CUX1: variants seen among roughly 807,000 people sequenced by gnomAD.
The protein encoded by CUX1 is cut like homeobox 1.
CUX1 carries 31 observed loss-of-function variants against 158.8 expected under a neutral mutation model. The observed-to-expected ratio is 0.20, with a 90% CI of 0.15 to 0.26. CUX1 has a LOEUF of 0.26. CUX1 is among the 10% of genes least tolerant of loss of function. The pLI, the probability that CUX1 is intolerant of heterozygous loss-of-function variation, is 1.00. For missense variants in CUX1, 1,589 were observed against 2,014.6 expected, an observed-to-expected ratio of 0.79 and a Z score of 4.04; for synonymous variants, 879 against 862.1, an observed-to-expected ratio of 1.02 and a Z score of -0.34.
At chr7:102,020,585 A>G (rs1394050271) in intron 2 of CUX1, among the ~76,000 whole-genome samples, 4 of 152,210 alleles carry the variant, frequency 2.6e-5, no homozygotes. Flanking sequence ...AGGACCTTAT[A>G]AAAAGACATT....
intron 6 of CUX1, among the ~76,000 whole-genome samples, chr7:102,106,332 C>T (rs1396116175): frequency 1.3e-5 from 2 of 152,064 alleles, no homozygotes; most frequent in Non-Finnish European, 2.9e-5. Flanking sequence ...TTGTGATCTG[C>T]CCGCCTCGGC....
At chr7:101,846,833 G>T (rs545581780) in intron 1 of CUX1, among the ~76,000 whole-genome samples, 4 of 152,146 alleles carry the variant, frequency 2.6e-5, no homozygotes, top group Non-Finnish European at 4.4e-5. Flanking sequence ...TGGTATGGAT[G>T]CTGACTTCCT....
intron 8 of CUX1, among the ~76,000 whole-genome samples, chr7:102,144,426 G>C (rs1307288443): frequency 6.6e-6 from 1 of 152,052 alleles, no homozygotes. Flanking sequence ...TTGACTTGAA[G>C]CTACTCCCAG....
At chr7:102,173,409 A>G (rs531392410) in intron 10 of CUX1, among the ~76,000 whole-genome samples, 1 of 152,346 alleles carries the variant, frequency 6.6e-6, no homozygotes, top group Non-Finnish European at 1.5e-5. Context: ...ATGTAGAGAA[A>G]AGATTTGCAT....
chr7:102,041,258 T>TTTTTTTTTTTTTC, intron 3 of CUX1, among the ~76,000 whole-genome samples: 1 of 117,268 alleles, frequency 8.5e-6, no homozygotes, highest in Admixed American at 8.5e-5. Context: ...TATCCATTCT[T>TTTTTTTTTTTTTC]TTTTTTTTTT....
At chr7:102,142,877 A>G (rs190144263) in intron 8 of CUX1, among the ~76,000 whole-genome samples, 3 of 147,596 alleles carry the variant, frequency 2.0e-5, no homozygotes, top group Admixed American at 1.3e-4. Context: ...AGCCATGGTC[A>G]AACCACTGCA....
intron 5 of CUX1, among the ~76,000 whole-genome samples, chr7:102,098,463 T>C (rs1412232647): frequency 6.6e-6 from 1 of 151,906 alleles, no homozygotes; most frequent in Non-Finnish European, 1.5e-5. Flanking sequence ...CATCAGAAAT[T>C]AGCTGGGCAT....
At chr7:102,150,632 C>G (rs1835542227) in intron 8 of CUX1, among the ~76,000 whole-genome samples, 1 of 152,228 alleles carries the variant, frequency 6.6e-6, no homozygotes, top group Non-Finnish European at 1.5e-5. Flanking sequence ...TGCCCCGATG[C>G]CACGCGTTAG....
At chr7:101,878,906 A>G (rs547411357) in intron 1 of CUX1, among the ~76,000 whole-genome samples, 86 of 152,304 alleles carry the variant, frequency 5.6e-4, no homozygotes, top group African/African-American at 2.0e-3. Flanking sequence ...TCCTGACCTC[A>G]GGTGATCCTC....
chr7:101,999,955 G>T (rs971321049), intron 2 of CUX1, among the ~76,000 whole-genome samples: 3 of 152,178 alleles, frequency 2.0e-5, no homozygotes, highest in East Asian at 1.9e-4. Context: ...AGTGGCTTAT[G>T]CCTGTAATCC....
chr7:101,923,256 T>A (rs1292554788), intron 2 of CUX1, among the ~76,000 whole-genome samples: 2 of 152,206 alleles, frequency 1.3e-5, no homozygotes, highest in African/African-American at 2.4e-5. Context: ...GCTATTTGAA[T>A]GTGATGCTCA....
chr7:101,859,044 G>A (rs1308323706), intron 1 of CUX1, among the ~76,000 whole-genome samples: 1 of 152,214 alleles, frequency 6.6e-6, no homozygotes, highest in Admixed American at 6.5e-5. Context: ...TAGGTCAGGT[G>A]GCTAATGATT....
intron 8 of CUX1, among the ~76,000 whole-genome samples, chr7:102,122,828 G>A (rs1183593229): frequency 6.6e-6 from 1 of 152,110 alleles, no homozygotes; most frequent in Non-Finnish European, 1.5e-5. Flanking sequence ...TGGTAGGTGT[G>A]GTGTCAGGTG....
At position 102,034,145 on chromosome 7, in the gene CUX1, CAAAAAAA is replaced by C. The variant is rs10655613; in HGVS notation, c.189+6016_189+6022del. On this transcript the variant is annotated intron_variant, in intron 3 of 23. Transcript: ENST00000292535. ...CAGGTGACAGAGCGAGACTCCATCT[CAAAAAAA>C]AAAAAAAAAAAAAAAGTCAGTCTTA... 2.4e-3 allele frequency among the ~76,000 whole-genome samples: 116 copies of C among 48,614 alleles called. 3 individuals are homozygous for C. Among genetic ancestry groups the C allele is most frequent in the South Asian group, 0.015 (15 of 990 alleles). The allele number at this position is 48,614 out of a possible 152,430, so 31.9% of individuals were successfully genotyped here. A position where few individuals can be genotyped will look rare whatever the true frequency, so the allele number is the denominator to read the frequency against.
rs1801317715 is a variant in CUX1 at position 102,249,983 on chromosome 7, G to A, written c.*941G>A. On this transcript the variant is annotated 3_prime_UTR_variant, in exon 24 of 24. Transcript: ENST00000292535. ...TGCACATTGATGTATAGCTTTAACT[G>A]ACCCTGGGTTTTGCAGACCAGGGTT... 1 of 984,036 alleles carries A rather than the reference G, an allele frequency of 1.0e-6. No individual in the cohort carries two copies. The highest frequency in any genetic ancestry group is 6.2e-5 in the Admixed American group (1 of 16,044). 61.0% of individuals were successfully genotyped at this position (984,036 alleles called of 1,614,324 possible). A position where few individuals can be genotyped will look rare whatever the true frequency, so the allele number is the denominator to read the frequency against.
Position 102,167,281 on chromosome 7 carries a change from G to A in CUX1, c.724-3165G>A, listed in dbSNP as rs943596863. ...AGACTCTGTATCAAAAAAAAAAAAA[G>A]AAAAGAAAAGAAAAAGAAAGAAATT... On this transcript the variant is annotated intron_variant, in intron 9 of 23. Transcript: ENST00000292535. 1.1e-4 allele frequency among the ~76,000 whole-genome samples: 16 copies of A among 149,100 alleles called. No homozygotes were observed. In the South Asian group the frequency reaches 2.3e-3, roughly 22 times the overall value.
rs137982211 is a variant in CUX1 at position 101,896,725 on chromosome 7, T to TA, written c.31-19384dup. Among the ~76,000 whole-genome samples, 1,007 of 152,242 alleles carry TA rather than the reference T, an allele frequency of 6.6e-3. 13 individuals carry two copies. The highest frequency in any genetic ancestry group is 0.023 in the African/African-American group (936 of 41,536). On this transcript the variant is annotated intron_variant, in intron 1 of 23. Transcript: ENST00000292535. ...ATTAACAGGTCTTAAATGGGAAAAA[T>TA]AAAAAATTAGCTTGATTAAAAATAA... is the stretch of plus-strand genomic sequence containing the variant.
intron 5 of CUX1, among the ~76,000 whole-genome samples, chr7:102,103,229 A>G (rs1554487131): frequency 6.6e-6 from 1 of 152,098 alleles, no homozygotes; most frequent in African/African-American, 2.4e-5. Flanking sequence ...TGCTCTGCAC[A>G]CAGCCCATGA....
At chr7:101,896,830 C>T (rs1033223440) in intron 1 of CUX1, among the ~76,000 whole-genome samples, 2 of 152,150 alleles carry the variant, frequency 1.3e-5, no homozygotes, top group African/African-American at 2.4e-5. Flanking sequence ...ATTTGTTTGC[C>T]TTTGAGTATT....
Sources: gnomAD v4.1 joint callset for allele counts (sites outside exome capture counted in the v4.1 genomes callset) on GRCh38, gnomAD v4.1.1 for gene constraint, MANE v1.5 for transcripts, NCBI Gene and HGNC (gene_info 2026-07-23, HGNC 2026-07-21) for gene names.